PM20D2: variants seen among roughly 807,000 people sequenced by gnomAD.
PM20D2 encodes the protein peptidase M20 domain containing 2, also known as xaa-Arg dipeptidase.
A neutral mutation model predicts 42.9 loss-of-function variants in PM20D2; 33 were observed. That is an observed-to-expected ratio of 0.77 (90% CI 0.58 to 1.03). The LOEUF (loss-of-function observed/expected upper bound fraction) is 1.03. Ranked by LOEUF, PM20D2 falls within the 50% of genes least tolerant of loss-of-function variation. The pLI is 0.00. For missense variants in PM20D2, 548 were observed against 557.0 expected (o/e 0.98, Z 0.16); for synonymous variants, 250 against 228.2 (o/e 1.10, Z -0.86).
the PM20D2 span, among the ~76,000 whole-genome samples, chr6:89,103,141 T>C: frequency 1.3e-5 from 2 of 152,108 alleles, no homozygotes; most frequent in Non-Finnish European, 2.9e-5. Flanking sequence ...CAAAGCAGAA[T>C]AGCATTGCCC....
At chr6:89,132,008 T>G in the PM20D2 span, among the ~76,000 whole-genome samples, 1 of 152,280 alleles carries the variant, frequency 6.6e-6, no homozygotes, top group African/African-American at 2.4e-5. Context: ...AATGCAAAAG[T>G]TAGTCATCTT....
intron 4 of PM20D2, among the ~76,000 whole-genome samples, chr6:89,158,043 C>G (rs113182792): frequency 6.6e-6 from 1 of 151,990 alleles, no homozygotes; most frequent in Non-Finnish European, 1.5e-5. Context: ...CTTCTCATAC[C>G]CTATCTAGGT....
the PM20D2 span, chr6:89,098,504 A>C: frequency 7.4e-6 from 11 of 1,493,324 alleles, no homozygotes; most frequent in Non-Finnish European, 8.9e-6. Flanking sequence ...GTATGCCTTA[A>C]AGAATTTTTA....
chr6:89,162,355 AAGGAGT>A lies in PM20D2; in HGVS notation c.*94_*99del. The A allele has an allele frequency of 7.8e-7, 1 of 1,282,552 alleles. No homozygotes were observed. The highest frequency in any genetic ancestry group is 1.5e-5 in the African/African-American group (1 of 66,298). The allele number at this position is 1,282,552 out of a possible 1,614,324, so 79.4% of individuals were successfully genotyped here. Reference sequence around the variant, plus strand: ...AAGGCATGCTTGTTTTTTAATCTTAAAGGAGTAAAATTCTTTTTACCTGATAAGTGA... The same window carrying A: ...AAGGCATGCTTGTTTTTTAATCTTAAAAAATTCTTTTTACCTGATAAGTGA... On this transcript the variant is annotated 3_prime_UTR_variant, in exon 7 of 7. Transcript: ENST00000275072.
chr6:89,146,551 C>T lies in PM20D2; in HGVS notation c.407C>T (p.Ala136Val). The T allele has an allele frequency of 6.7e-7, 1 of 1,497,508 alleles. No homozygotes were observed. Among genetic ancestry groups the T allele is most frequent in the Non-Finnish European group, 8.8e-7 (1 of 1,131,030 alleles). 92.8% of individuals were successfully genotyped at this position (1,497,508 alleles called of 1,614,324 possible). A position where few individuals can be genotyped will look rare whatever the true frequency, so the allele number is the denominator to read the frequency against. The change falls in exon 1 of 7, where the codon GCC becomes GTC. Residue 136 changes from alanine (A) to valine (V), a missense_variant. Transcript: ENST00000275072. ...HNLIAEVGAA[A>V]ALGVRGALEG... ...CTCATCGCTGAGGTCGGGGCGGCGGCCGCGCTGGGCGTGAGGGGGGCCTTA... is the reference window on the plus strand; with the variant it reads ...CTCATCGCTGAGGTCGGGGCGGCGGTCGCGCTGGGCGTGAGGGGGGCCTTA...
the PM20D2 span, among the ~76,000 whole-genome samples, chr6:89,119,433 G>A: frequency 1.3e-5 from 2 of 152,302 alleles, no homozygotes; most frequent in South Asian, 4.1e-4. Flanking sequence ...CACGTGCAAA[G>A]GCTTTGAGGC....
chr6:89,157,658 CAG>C (rs1771096700), intron 4 of PM20D2, among the ~76,000 whole-genome samples: 1 of 152,156 alleles, frequency 6.6e-6, no homozygotes, highest in East Asian at 1.9e-4. Flanking sequence ...CAGTGTTCCT[CAG>C]AGTGTGGTTT....
chr6:89,114,665 A>G, the PM20D2 span, among the ~76,000 whole-genome samples: 4 of 152,204 alleles, frequency 2.6e-5, no homozygotes, highest in Non-Finnish European at 5.9e-5. Flanking sequence ...ATCAGTCTCA[A>G]TCACTCACTG....
At chr6:89,094,305 C>G in the PM20D2 span, among the ~76,000 whole-genome samples, 1 of 151,988 alleles carries the variant, frequency 6.6e-6, no homozygotes, top group South Asian at 2.1e-4. Flanking sequence ...TCACTGCAAC[C>G]TGTCTCCCAG....
upstream of PM20D2, among the ~76,000 whole-genome samples, chr6:89,143,246 C>G (rs1770400750): frequency 6.6e-6 from 1 of 152,078 alleles, no homozygotes; most frequent in South Asian, 2.1e-4. Flanking sequence ...ATCTGAAGCC[C>G]AAAATAATAC....
chr6:89,099,507 TATATATATAC>T, the PM20D2 span, among the ~76,000 whole-genome samples: 1 of 55,736 alleles, frequency 1.8e-5, no homozygotes, highest in African/African-American at 1.3e-4. Flanking sequence ...TATGTGTGTA[TATATATATAC>T]ACACACACAC....
In PM20D2 at chr6:89,158,313, A is replaced by G. The variant is rs781537234; in HGVS notation, c.913-12A>G. The G allele has an allele frequency of 2.5e-5, 39 of 1,563,572 alleles. No individual in the cohort carries two copies. The highest frequency in any genetic ancestry group is 6.8e-5 in the East Asian group (3 of 44,176). ...TTTTTATTTCAAAATTTGTTTTGCA[A>G]TTTTTTATTAGGTGGAAATTAAAGG... On this transcript the variant is annotated splice_polypyrimidine_tract_variant and intron_variant, in intron 4 of 6. Transcript: ENST00000275072.
At position 89,149,240 on chromosome 6, in the gene PM20D2, C is replaced by G. The variant is rs541457215; in HGVS notation, c.466-25C>G. On this transcript the variant is annotated intron_variant, in intron 1 of 6. Transcript: ENST00000275072. ...TTCCTATGAGGATTTTGTTGTTTTT[C>G]CCTGACATGAGTATTTCCTTCTAGG... 4 of 1,606,910 alleles carry G rather than the reference C, an allele frequency of 2.5e-6. No homozygotes were observed. In the South Asian group the frequency reaches 3.3e-5, roughly 13 times the overall value.
the PM20D2 span, chr6:89,106,764 A>C: frequency 2.9e-6 from 1 of 345,682 alleles, no homozygotes; most frequent in Non-Finnish European, 5.7e-6. Flanking sequence ...GAACCAACAA[A>C]ATCAGACTTG....
chr6:89,118,371 G>GCCTCCGCGGC, the PM20D2 span, among the ~76,000 whole-genome samples: 1 of 152,230 alleles, frequency 6.6e-6, no homozygotes. Flanking sequence ...CCCCCGCTCA[G>GCCTCCGCGGC]CCTCCGCGGC....
chr6:89,131,929 T>C, the PM20D2 span, among the ~76,000 whole-genome samples: 8 of 152,174 alleles, frequency 5.3e-5, no homozygotes, highest in African/African-American at 1.9e-4. Flanking sequence ...AAATGGGAAA[T>C]GCTGCTTTCA....
chr6:89,103,635 T>G, the PM20D2 span, among the ~76,000 whole-genome samples: 2 of 152,094 alleles, frequency 1.3e-5, no homozygotes, highest in Admixed American at 6.6e-5. Context: ...CTGGCCTGAA[T>G]TTTTAGTAGA....
At chr6:89,147,757 G>A (rs1770647395) in intron 1 of PM20D2, among the ~76,000 whole-genome samples, 1 of 151,134 alleles carries the variant, frequency 6.6e-6, no homozygotes, top group African/African-American at 2.4e-5. Context: ...GCTGGGCGTG[G>A]TGGCTCACGC....
At chr6:89,129,403 C>G in the PM20D2 span, among the ~76,000 whole-genome samples, 1 of 152,170 alleles carries the variant, frequency 6.6e-6, no homozygotes, top group Non-Finnish European at 1.5e-5. Flanking sequence ...AGGATTGCTT[C>G]AGCTCAGGAA....
Sources: allele counts gnomAD v4.1 joint callset (sites outside exome capture counted in the v4.1 genomes callset), GRCh38; gene constraint gnomAD v4.1.1; transcripts MANE v1.5; gene names NCBI Gene and HGNC (gene_info 2026-07-23, HGNC 2026-07-21).